DPYD: variants seen among roughly 807,000 people sequenced by gnomAD.
The protein encoded by DPYD is dihydropyrimidine dehydrogenase [NADP(+)].
In DPYD, 109 loss-of-function variants were observed where a neutral mutation model predicts 116.2. That is an observed-to-expected ratio of 0.94 (90% CI 0.80 to 1.10). DPYD has a LOEUF of 1.10. Ranked by LOEUF, DPYD falls within the 50% of genes least tolerant of loss-of-function variation. The pLI is 0.00. For synonymous variants in DPYD, 440 were observed against 432.0 expected, an observed-to-expected ratio of 1.02 and a Z score of -0.23; for missense variants, 1,302 against 1,254.5, an observed-to-expected ratio of 1.04 and a Z score of -0.57.
chr1:97,577,188 T>G (rs1186150337), intron 10 of DPYD, among the ~76,000 whole-genome samples: 1 of 152,170 alleles, frequency 6.6e-6, no homozygotes, highest in African/African-American at 2.4e-5. Flanking sequence ...AAAGATTCAG[T>G]CACCCTTGAC....
intron 2 of DPYD, among the ~76,000 whole-genome samples, chr1:97,873,828 C>T (rs909635471): frequency 2.0e-5 from 3 of 151,908 alleles, no homozygotes; most frequent in Admixed American, 6.6e-5. Context: ...TGCATACTTA[C>T]TACATGTGTG....
chr1:97,511,522 A>G (rs1647797802), intron 13 of DPYD, among the ~76,000 whole-genome samples: 1 of 151,998 alleles, frequency 6.6e-6, no homozygotes, highest in East Asian at 1.9e-4. Context: ...CAACAACAAC[A>G]TTTTATTTTA....
intron 2 of DPYD, among the ~76,000 whole-genome samples, chr1:97,881,655 A>G (rs1008115799): frequency 9.2e-5 from 14 of 152,068 alleles, no homozygotes; most frequent in Admixed American, 6.6e-5. Context: ...AATAACAACA[A>G]CAGCAATCAA....
At chr1:97,397,700 T>C (rs1271068208) in intron 14 of DPYD, among the ~76,000 whole-genome samples, 1 of 152,174 alleles carries the variant, frequency 6.6e-6, no homozygotes, top group East Asian at 1.9e-4. Context: ...TTGATATTTA[T>C]ACCATTTTAG....
chr1:97,378,782 C>T (rs560108333), intron 15 of DPYD, among the ~76,000 whole-genome samples: 30 of 152,204 alleles, frequency 2.0e-4, no homozygotes, highest in African/African-American at 6.7e-4. Flanking sequence ...GCAAGGGTCT[C>T]GACCCCCACG....
At chr1:97,792,793 C>T (rs781429127) in intron 3 of DPYD, among the ~76,000 whole-genome samples, 7 of 152,130 alleles carry the variant, frequency 4.6e-5, no homozygotes, top group Non-Finnish European at 8.8e-5. Context: ...AAACATCAGA[C>T]GAATTCTAAG....
intron 14 of DPYD, among the ~76,000 whole-genome samples, chr1:97,428,881 T>A (rs900247439): frequency 6.6e-6 from 1 of 152,068 alleles, no homozygotes; most frequent in Admixed American, 6.6e-5. Flanking sequence ...ACTGTAGTGT[T>A]AATTTAGCCT....
At chr1:97,134,211 C>A (rs1653609787) in intron 20 of DPYD, among the ~76,000 whole-genome samples, 1 of 150,980 alleles carries the variant, frequency 6.6e-6, no homozygotes, top group South Asian at 2.1e-4. Flanking sequence ...CATAAGTTTT[C>A]AAAAAATGGG....
intron 20 of DPYD, among the ~76,000 whole-genome samples, chr1:97,139,926 C>T (rs1242253924): frequency 6.6e-6 from 1 of 152,100 alleles, no homozygotes; most frequent in Non-Finnish European, 1.5e-5. Context: ...CTGCTCTCTC[C>T]TGTAGAATGT....
intron 18 of DPYD, among the ~76,000 whole-genome samples, chr1:97,245,524 T>G (rs567576440): frequency 6.6e-6 from 1 of 152,250 alleles, no homozygotes; most frequent in South Asian, 2.1e-4. Context: ...TCTCATGTGA[T>G]TTTGCTTAAG....
intron 14 of DPYD, among the ~76,000 whole-genome samples, chr1:97,415,758 C>T (rs1314561913): frequency 6.6e-6 from 1 of 152,184 alleles, no homozygotes; most frequent in Non-Finnish European, 1.5e-5. Context: ...CATCCATTCT[C>T]TGTGATAAAG....
chr1:97,279,529 G>C (rs1665168268), intron 18 of DPYD, among the ~76,000 whole-genome samples: 1 of 149,792 alleles, frequency 6.7e-6, no homozygotes. Context: ...TTGTTTACTT[G>C]AGATGGAGTC....
chr1:97,739,847 C>G (rs1664165899), intron 4 of DPYD, among the ~76,000 whole-genome samples: 1 of 151,936 alleles, frequency 6.6e-6, no homozygotes, highest in Non-Finnish European at 1.5e-5. Flanking sequence ...AAATAAAGAT[C>G]AAAATTCCTT....
chr1:97,850,955 A>C (rs987164022), intron 2 of DPYD, among the ~76,000 whole-genome samples: 1 of 152,050 alleles, frequency 6.6e-6, no homozygotes, highest in Non-Finnish European at 1.5e-5. Flanking sequence ...GAAAAAAATG[A>C]ATTGTCCTCT....
intron 14 of DPYD, among the ~76,000 whole-genome samples, chr1:97,409,112 C>G (rs1290526726): frequency 1.3e-5 from 2 of 152,072 alleles, no homozygotes; most frequent in Non-Finnish European, 2.9e-5. Context: ...AGATATACAT[C>G]TATCCTATTA....
intron 18 of DPYD, among the ~76,000 whole-genome samples, chr1:97,263,979 C>T (rs976393438): frequency 6.6e-5 from 10 of 151,690 alleles, no homozygotes; most frequent in African/African-American, 2.4e-4. Flanking sequence ...TGAAAATAGC[C>T]CTTGATATTA....
intron 13 of DPYD, among the ~76,000 whole-genome samples, chr1:97,513,034 C>A (rs1018202139): frequency 6.6e-6 from 1 of 151,740 alleles, no homozygotes; most frequent in Non-Finnish European, 1.5e-5. Flanking sequence ...AAAGCACATA[C>A]AGCTTTTATA....
chr1:97,586,560 T>C lies in DPYD; in HGVS notation c.1128+6658A>G, dbSNP rs1654140420. Among the ~76,000 whole-genome samples the C allele has an allele frequency of 4.9e-5, 7 of 142,102 alleles. No homozygotes were observed. The Admixed American group carries it at 5.1e-4, about 10-fold the overall frequency. The allele number at this position is 142,102 out of a possible 152,430, so 93.2% of individuals were successfully genotyped here. A position where few individuals can be genotyped will look rare whatever the true frequency, so the allele number is the denominator to read the frequency against. The stretch of plus-strand genomic sequence containing the variant: ...TATATAGAAGATTAGTAAAGATTTC[T>C]TAAAAGCATATAATTTTCAGCTCCT... On this transcript the variant is annotated intron_variant, in intron 10 of 22. Transcript: ENST00000370192.
intron 4 of DPYD, among the ~76,000 whole-genome samples, chr1:97,737,839 A>G (rs1191219842): frequency 6.6e-6 from 1 of 152,176 alleles, no homozygotes; most frequent in Non-Finnish European, 1.5e-5. Flanking sequence ...TGCAAACATT[A>G]TTATCAATAA....
Sources: allele counts gnomAD v4.1 joint callset (sites outside exome capture counted in the v4.1 genomes callset), GRCh38; gene constraint gnomAD v4.1.1; transcripts MANE v1.5; gene names NCBI Gene and HGNC (gene_info 2026-07-23, HGNC 2026-07-21).